RFX3: variants seen among roughly 807,000 people sequenced by gnomAD.
The protein encoded by RFX3 is regulatory factor X3.
A neutral mutation model predicts 98.6 loss-of-function variants in RFX3; 14 were observed. The ratio of observed to expected loss-of-function variants is 0.14; its 90% CI spans 0.09 to 0.22. The LOEUF is 0.22. Among genes scored for constraint, RFX3 ranks in the 10% least tolerant of loss-of-function variants. The pLI is 1.00. For synonymous variants in RFX3, 383 were observed against 328.4 expected (o/e 1.17, Z -1.80); for missense variants, 639 against 926.9 (o/e 0.69, Z 4.03).
At chr9:3,384,056 A>G (rs971522340) in intron 2 of RFX3, among the ~76,000 whole-genome samples, 1 of 152,284 alleles carries the variant, frequency 6.6e-6, no homozygotes, top group East Asian at 1.9e-4. Context: ...CTACAGAAGT[A>G]TCCAGGAGAA....
At chr9:3,246,044 A>G (rs1346460687) in intron 15 of RFX3, among the ~76,000 whole-genome samples, 1 of 152,190 alleles carries the variant, frequency 6.6e-6, no homozygotes, top group Non-Finnish European at 1.5e-5. Flanking sequence ...GATCTATGAG[A>G]GCAAACAGGT....
chr9:3,234,069 T>G (rs900364869), intron 15 of RFX3, among the ~76,000 whole-genome samples: 2 of 152,218 alleles, frequency 1.3e-5, no homozygotes, highest in African/African-American at 4.8e-5. Flanking sequence ...CCTTCCTCTC[T>G]GTCTCTTTCT....
chr9:3,218,581 T>C lies in RFX3; in HGVS notation c.*6461A>G, dbSNP rs925584063. On this transcript the variant is annotated 3_prime_UTR_variant, in exon 17 of 17. Coordinates refer to ENST00000617270, the MANE Select transcript of RFX3 (RefSeq NM_001282116.2). Reference sequence around the variant, plus strand: ...TGAGAGGACATGATATACTAAAAGATTTAGCATTTCTCACAAAAATCACAT... The same window carrying C: ...TGAGAGGACATGATATACTAAAAGACTTAGCATTTCTCACAAAAATCACAT... 7 of 152,162 alleles carry C rather than the reference T, an allele frequency of 4.6e-5. No homozygotes were observed. The highest frequency in any genetic ancestry group is 1.7e-4 in the African/African-American group (7 of 41,448). The allele number at this position is 152,162 out of a possible 1,614,324, so 9.4% of individuals were successfully genotyped here.
intron 1 of RFX3, among the ~76,000 whole-genome samples, chr9:3,508,193 T>A (rs2133805081): frequency 6.6e-6 from 1 of 152,054 alleles, no homozygotes; most frequent in South Asian, 2.1e-4. Context: ...TAAGACCACG[T>A]TCCATATTTG....
chr9:3,278,796 A>C (rs940298890), intron 7 of RFX3, among the ~76,000 whole-genome samples: 9 of 151,908 alleles, frequency 5.9e-5, no homozygotes, highest in Non-Finnish European at 1.2e-4. Context: ...AGTATCTTAC[A>C]AACAACTATG....
intron 3 of RFX3, among the ~76,000 whole-genome samples, chr9:3,346,420 A>T (rs563181959): frequency 6.6e-6 from 1 of 152,342 alleles, no homozygotes; most frequent in South Asian, 2.1e-4. Flanking sequence ...ACATAGGAAG[A>T]ACTATTAAAG....
chr9:3,303,099 C>T (rs1373233115), intron 4 of RFX3, among the ~76,000 whole-genome samples: 1 of 151,774 alleles, frequency 6.6e-6, no homozygotes, highest in East Asian at 1.9e-4. Flanking sequence ...CTAAGAAACA[C>T]AGGCTTCTAG....
At chr9:3,499,851 T>C (rs1815786141) in intron 1 of RFX3, among the ~76,000 whole-genome samples, 1 of 152,156 alleles carries the variant, frequency 6.6e-6, no homozygotes, top group Non-Finnish European at 1.5e-5. Flanking sequence ...CCTGCAACTT[T>C]GGAAAGTTAA....
chr9:3,338,325 C>T (rs1343815934), intron 3 of RFX3, among the ~76,000 whole-genome samples: 1 of 152,198 alleles, frequency 6.6e-6, no homozygotes, highest in African/African-American at 2.4e-5. Context: ...GCCATTGCTA[C>T]AGCTACTGGG....
In RFX3 at chr9:3,505,939, C is replaced by G. The variant is rs138987076; in HGVS notation, c.-9+19808G>C. Among the ~76,000 whole-genome samples the G allele has an allele frequency of 4.0e-5, 6 of 151,882 alleles. No individual in the cohort carries two copies. The East Asian group carries it at 1.2e-3, about 29-fold the overall frequency. ...TGAAGAATGATCAGTTTTATTCATT[C>G]TTGTATCCTTCACAGCAGTTCACTT... On this transcript the variant is annotated intron_variant, in intron 1 of 16. Coordinates refer to ENST00000617270, the MANE Select transcript of RFX3 (RefSeq NM_001282116.2).
chr9:3,469,348 T>C (rs776688036), intron 1 of RFX3, among the ~76,000 whole-genome samples: 7 of 152,174 alleles, frequency 4.6e-5, no homozygotes, highest in Non-Finnish European at 8.8e-5. Flanking sequence ...AATCTAGAAA[T>C]ACTTCGTTCT....
chr9:3,524,760 G>A (rs1819052447), intron 1 of RFX3: 1 of 248,066 alleles, frequency 4.0e-6, no homozygotes, highest in South Asian at 1.5e-4. Context: ...CCACATGAAG[G>A]ATAAAGCACT....
intron 4 of RFX3, among the ~76,000 whole-genome samples, chr9:3,318,298 C>G (rs1830864615): frequency 6.6e-6 from 1 of 152,122 alleles, no homozygotes; most frequent in Admixed American, 6.5e-5. Context: ...CACATGTTCT[C>G]ACTCATAGGT....
intron 1 of RFX3, among the ~76,000 whole-genome samples, chr9:3,443,262 G>A (rs889754739): frequency 6.6e-6 from 1 of 152,148 alleles, no homozygotes; most frequent in Non-Finnish European, 1.5e-5. Flanking sequence ...ATAGGTAAAT[G>A]TGTGTCATGA....
chr9:3,441,042 T>G (rs1284322445), intron 1 of RFX3, among the ~76,000 whole-genome samples: 2 of 152,150 alleles, frequency 1.3e-5, no homozygotes, highest in African/African-American at 4.8e-5. Flanking sequence ...AAAATGAACT[T>G]TGGTCCACAG....
intron 1 of RFX3, among the ~76,000 whole-genome samples, chr9:3,516,358 A>C (rs1036184263): frequency 2.0e-5 from 3 of 152,192 alleles, no homozygotes; most frequent in Non-Finnish European, 4.4e-5. Context: ...TAAACTAAAA[A>C]TTTTTTAAAA....
chr9:3,315,137 C>T (rs1028360438), intron 4 of RFX3, among the ~76,000 whole-genome samples: 1 of 152,156 alleles, frequency 6.6e-6, no homozygotes, highest in Non-Finnish European at 1.5e-5. Context: ...AAGCACTCCT[C>T]AGCAAATGTA....
chr9:3,504,906 A>ATAATAT (rs1554728009), intron 1 of RFX3, among the ~76,000 whole-genome samples: 17 of 24,452 alleles, frequency 7.0e-4, no homozygotes, highest in African/African-American at 2.7e-3. Context: ...TATATTATAT[A>ATAATAT]TATATATAAT....
rs184082518 is a variant in RFX3, at chr9:3,424,779, G to A, written c.-8-29183C>T. On this transcript the variant is annotated intron_variant, in intron 1 of 16. Transcript: ENST00000617270. ...TTCCATAATTTTTCATCTATAATTG[G>A]TATATCTCTAAAATTATACATATAT... 1.9e-3 allele frequency among the ~76,000 whole-genome samples: 287 copies of A among 152,174 alleles called. 1 individual carries two copies. The highest frequency in any genetic ancestry group is 6.6e-3 in the African/African-American group (273 of 41,490).
Sources: allele counts gnomAD v4.1 joint callset (sites outside exome capture counted in the v4.1 genomes callset), GRCh38; gene constraint gnomAD v4.1.1; transcripts MANE v1.5; gene names NCBI Gene and HGNC (gene_info 2026-07-23, HGNC 2026-07-21).